The following CSE1L variants were observed in gnomAD, a reference collection of about 807,000 sequenced individuals.
CSE1L encodes chromosome segregation 1 like.
A neutral mutation model predicts 120.4 loss-of-function variants in CSE1L; 24 were observed. The ratio of observed to expected loss-of-function variants is 0.20; its 90% CI spans 0.14 to 0.28. The LOEUF is 0.28. Among genes scored for constraint, CSE1L ranks in the 10% least tolerant of loss-of-function variants. CSE1L has a pLI of 1.00. For missense variants in CSE1L, 830 were observed against 1,145.2 expected, an observed-to-expected ratio of 0.72 and a Z score of 3.97; for synonymous variants, 402 against 398.3, an observed-to-expected ratio of 1.01 and a Z score of -0.11.
intron 16 of CSE1L, 38 bp from the exon 17 acceptor site, chr20:49,087,971 T>C (rs752599815): frequency 7.3e-7 from 1 of 1,361,698 alleles, no homozygotes; most frequent in South Asian, 1.2e-5. Context: ...GAAGTTTAAC[T>C]AAACTCTATT....
intron 2 of CSE1L, among the ~76,000 whole-genome samples, chr20:49,062,949 A>G (rs1253686354): frequency 2.0e-5 from 3 of 151,970 alleles, no homozygotes; most frequent in South Asian, 2.1e-4. Flanking sequence ...TGATCATCCA[A>G]TTAGGCCACT....
chr20:49,056,383 C>A (rs1402381739), intron 1 of CSE1L, among the ~76,000 whole-genome samples: 1 of 152,126 alleles, frequency 6.6e-6, no homozygotes, highest in Non-Finnish European at 1.5e-5. Context: ...GGATTACAGG[C>A]GTGAGCAACC....
At chr20:49,092,607 A>T (rs1465924366) in intron 22 of CSE1L, among the ~76,000 whole-genome samples, 2 of 151,892 alleles carry the variant, frequency 1.3e-5, no homozygotes, top group African/African-American at 2.4e-5. Context: ...AACAATGAGA[A>T]CACTTGGACA....
intron 18 of CSE1L, 50 bp downstream of exon 18, chr20:49,089,447 C>G (rs1286400536): frequency 5.0e-6 from 8 of 1,604,418 alleles, no homozygotes; most frequent in Non-Finnish European, 6.8e-6. Flanking sequence ...ATTAACATGG[C>G]TATAAAATGC....
At position 49,070,264 on chromosome 20, in the gene CSE1L, C is replaced by T; in HGVS notation, c.735C>T (p.Leu245=). Residue 245 remains leucine, a synonymous_variant, in exon 8 of 25, where the codon CTC becomes CTT. Transcript: ENST00000262982. ...METWMNNFHT[L]LTLDNKLLQT... is the part of the protein sequence containing the mutation. ...CTTGGATGAATAATTTTCATACTCTCTTAACATTGGATAATAAGCTTTTAC... is the reference window on the plus strand; with the variant it reads ...CTTGGATGAATAATTTTCATACTCTTTTAACATTGGATAATAAGCTTTTAC... 1.4e-6 allele frequency: 2 copies of T among 1,461,998 alleles called. No homozygotes were observed. Among genetic ancestry groups the T allele is most frequent in the Non-Finnish European group, 1.9e-6 (2 of 1,061,040 alleles). The allele number at this position is 1,461,998 out of a possible 1,614,324, so 90.6% of individuals were successfully genotyped here. A position where few individuals can be genotyped will look rare whatever the true frequency, so the allele number is the denominator to read the frequency against.
chr20:49,063,879 G>T (rs534650358), intron 3 of CSE1L, among the ~76,000 whole-genome samples: 10 of 152,250 alleles, frequency 6.6e-5, no homozygotes, highest in African/African-American at 2.4e-4. Context: ...AAGGTATTTT[G>T]CCCTATGTCT....
intron 14 of CSE1L, among the ~76,000 whole-genome samples, chr20:49,080,514 C>T (rs375010956): frequency 9.2e-5 from 14 of 152,188 alleles, no homozygotes; most frequent in African/African-American, 2.2e-4. Flanking sequence ...GACGGAGTTT[C>T]GCTCTCGTTG....
intron 2 of CSE1L, among the ~76,000 whole-genome samples, chr20:49,060,850 A>G (rs1167309152): frequency 6.6e-6 from 1 of 152,082 alleles, no homozygotes; most frequent in African/African-American, 2.4e-5. Context: ...GCAGTCAGTT[A>G]TTGATCCTTG....
At chr20:49,087,664 G>C (rs1425116885) in intron 16 of CSE1L, among the ~76,000 whole-genome samples, 2 of 152,006 alleles carry the variant, frequency 1.3e-5, no homozygotes, top group East Asian at 1.9e-4. Context: ...CTCTGCTACT[G>C]ATTTCTAAGA....
intron 10 of CSE1L, 35 bp downstream of exon 10, chr20:49,072,732 C>A: frequency 6.4e-7 from 1 of 1,554,864 alleles, no homozygotes; most frequent in Non-Finnish European, 8.7e-7. Context: ...TATAAATCTA[C>A]TAAGTCTGTG....
At chr20:49,075,574 A>C (rs987566099) in intron 12 of CSE1L, 54 bp downstream of exon 12, 1 of 1,414,048 alleles carries the variant, frequency 7.1e-7, no homozygotes, top group Middle Eastern at 1.8e-4. Flanking sequence ...TGACACCCAC[A>C]CAAGTCAAAA....
At chr20:49,056,883 GTGT>G (rs2091812734) in intron 1 of CSE1L, among the ~76,000 whole-genome samples, 1 of 136,104 alleles carries the variant, frequency 7.3e-6, no homozygotes, top group Non-Finnish European at 1.6e-5. Context: ...GTGTGTGTGT[GTGT>G]GGTGAAAGCA....
chr20:49,089,681 A>T lies in CSE1L; in HGVS notation c.2116A>T (p.Arg706Trp), dbSNP rs1166781658. The T allele has an allele frequency of 6.2e-7, 1 of 1,614,096 alleles. No homozygotes were observed. The highest frequency in any genetic ancestry group is 8.5e-7 in the Non-Finnish European group (1 of 1,180,044). Residue 706 changes from arginine to tryptophan, a missense_variant, in exon 19 of 25, where the codon AGG (arginine) becomes TGG (tryptophan). Physicochemically the swap from Arg to Trp is moderately radical, Grantham distance 101. Coordinates refer to ENST00000262982, the MANE Select transcript of CSE1L (RefSeq NM_001316.4). ...ERTGNIPALVRLLQAFLERGS... is the reference protein window; with the variant it reads ...ERTGNIPALVWLLQAFLERGS... ...AACAGGAAATATTCCTGCTCTAGTGAGGCTTCTTCAAGCATTCTTAGAACG... is the reference window on the plus strand; with the variant it reads ...AACAGGAAATATTCCTGCTCTAGTGTGGCTTCTTCAAGCATTCTTAGAACG...
At chr20:49,062,108 C>G (rs2091857653) in intron 2 of CSE1L, among the ~76,000 whole-genome samples, 2 of 152,180 alleles carry the variant, frequency 1.3e-5, no homozygotes, top group African/African-American at 4.8e-5. Flanking sequence ...GGCTTTTCCT[C>G]AAATCATGGA....
intron 1 of CSE1L, among the ~76,000 whole-genome samples, chr20:49,047,564 C>CTTTCTTT (rs2091726785): frequency 2.9e-5 from 2 of 69,928 alleles, no homozygotes; most frequent in African/African-American, 1.5e-4. Flanking sequence ...TTTCTCTTTT[C>CTTTCTTT]TTTTTTTTTT....
intron 14 of CSE1L, among the ~76,000 whole-genome samples, chr20:49,082,541 T>G (rs1251215593): frequency 6.6e-6 from 1 of 152,224 alleles, no homozygotes; most frequent in Non-Finnish European, 1.5e-5. Context: ...GTCTTCGCTC[T>G]GTCGCTCAGT....
intron 1 of CSE1L, among the ~76,000 whole-genome samples, chr20:49,052,643 T>G (rs1022385994): frequency 1.3e-5 from 2 of 151,972 alleles, no homozygotes; most frequent in Non-Finnish European, 2.9e-5. Flanking sequence ...GGTGGTTGTT[T>G]TGGAGATAGG....
In CSE1L at chr20:49,094,228, A is replaced by T. The variant is rs760137138; in HGVS notation, c.2536A>T (p.Ile846Leu). The change falls in exon 23 of 25, where the codon ATA (isoleucine) becomes TTA (leucine). Residue 846 changes from isoleucine (I) to leucine (L), a missense_variant. Ile to Leu is a conservative substitution (Grantham distance 5, BLOSUM62 2). Around this residue, in one of 4 missense-constraint regions of CSE1L, gnomAD observed 112 missense variants for 200.0 expected, o/e 0.56. Transcript: ENST00000262982. ...AGAGAAAAAGATCTGTGCGGTTGGC[A>T]TAACCAAATTACTAACAGAATGTCC... The part of the protein sequence containing the change: ...NVEKKICAVG[I>L]TKLLTECPPM... 6.2e-7 allele frequency: 1 copy of T among 1,612,914 alleles called. No individual in the cohort carries two copies. The highest frequency in any genetic ancestry group is 1.1e-5 in the South Asian group (1 of 90,874).
chr20:49,093,041 CGATAA>C (rs2092113759), intron 22 of CSE1L, among the ~76,000 whole-genome samples: 1 of 152,046 alleles, frequency 6.6e-6, no homozygotes, highest in Non-Finnish European at 1.5e-5. Flanking sequence ...ACAATTATAA[CGATAA>C]GATAAAGAAC....
Sources: allele counts gnomAD v4.1 joint callset (sites outside exome capture counted in the v4.1 genomes callset), GRCh38; gene constraint gnomAD v4.1.1; regional missense constraint gnomAD v4.1.1; transcripts MANE v1.5; gene names NCBI Gene and HGNC (gene_info 2026-07-23, HGNC 2026-07-21).